ZNF726: variants seen among roughly 807,000 people sequenced by gnomAD.
ZNF726 encodes zinc finger protein 92 pseudogene 3.
A neutral mutation model predicts 11.6 loss-of-function variants in ZNF726; 15 were observed. The ratio of observed to expected loss-of-function variants is 1.29; its 90% CI spans 0.86 to 1.99. The LOEUF (loss-of-function observed/expected upper bound fraction) is 1.99. Ranked by LOEUF, ZNF726 falls within the 30% of genes most tolerant of loss-of-function variation. The pLI is 0.00. For synonymous variants in ZNF726, 295 were observed against 243.6 expected (o/e 1.21, Z -1.96); for missense variants, 890 against 725.6 (o/e 1.23, Z -2.60).
chr19:23,943,853 C>T (rs1274951470), intron 4 of ZNF726: 2 of 274,138 alleles, frequency 7.3e-6, no homozygotes, highest in Non-Finnish European at 1.4e-5. Flanking sequence ...TAAGGTACTG[C>T]ATGATATACC....
intron 3 of ZNF726, among the ~76,000 whole-genome samples, chr19:23,926,142 G>T (rs1255472920): frequency 6.6e-6 from 1 of 152,158 alleles, no homozygotes; most frequent in African/African-American, 2.4e-5. Flanking sequence ...CAGAAATGTT[G>T]AAGTGTAGTG....
intron 3 of ZNF726, chr19:23,943,463 CAA>C (rs763880568): frequency 1.8e-6 from 1 of 565,364 alleles, no homozygotes; most frequent in Non-Finnish European, 3.3e-6. Flanking sequence ...AGAATCCCAG[CAA>C]GTCATATTAC....
downstream of ZNF726, chr19:23,935,206 G>A (rs765204557): frequency 3.5e-5 from 15 of 434,780 alleles, no homozygotes; most frequent in African/African-American, 2.4e-4. Flanking sequence ...AATCACAGGG[G>A]CAGGTTTCCC....
intron 1 of ZNF726, among the ~76,000 whole-genome samples, chr19:23,918,784 T>C (rs1967767608): frequency 6.7e-6 from 1 of 150,202 alleles, no homozygotes; most frequent in South Asian, 2.1e-4. Flanking sequence ...AAAGCTCTCA[T>C]CTTTGTTTAC....
intron 3 of ZNF726, among the ~76,000 whole-genome samples, chr19:23,924,626 T>C (rs1967938640): frequency 6.6e-6 from 1 of 152,180 alleles, no homozygotes; most frequent in South Asian, 2.1e-4. Context: ...GGTGGATCCC[T>C]TCTGTAAAAC....
At chr19:23,922,214 C>A (rs1011235759) in intron 3 of ZNF726, among the ~76,000 whole-genome samples, 2 of 152,172 alleles carry the variant, frequency 1.3e-5, no homozygotes, top group African/African-American at 4.8e-5. Context: ...GAAGGGCAGA[C>A]CCAAGGGCAG....
chr19:23,918,679 T>A (rs571678172), intron 1 of ZNF726, among the ~76,000 whole-genome samples: 1 of 152,346 alleles, frequency 6.6e-6, no homozygotes, highest in East Asian at 1.9e-4. Context: ...TCATTAAGTA[T>A]CTTCATGCAG....
chr19:23,943,729 T>G, intron 4 of ZNF726: 1 of 448,886 alleles, frequency 2.2e-6, no homozygotes, highest in South Asian at 6.5e-5. Context: ...CCTCTAGCTC[T>G]GAAGTAGGAG....
intron 3 of ZNF726, among the ~76,000 whole-genome samples, chr19:23,925,027 T>C (rs577961666): frequency 5.0e-4 from 76 of 152,346 alleles, no homozygotes; most frequent in African/African-American, 1.6e-3. Context: ...TATGCTCTCT[T>C]TAGCCCTTGA....
At chr19:23,943,141 C>T (rs1461226548) in intron 3 of ZNF726, among the ~76,000 whole-genome samples, 4 of 152,176 alleles carry the variant, frequency 2.6e-5, no homozygotes, top group Non-Finnish European at 4.4e-5. Context: ...CTGCCTCAGC[C>T]TTCTGAGTAG....
At chr19:23,923,751 ATTTG>A (rs1357306851) in intron 3 of ZNF726, 1 of 155,400 alleles carries the variant, frequency 6.4e-6, no homozygotes. Context: ...TAGACAAATT[ATTTG>A]TTAATGTACA....
At chr19:23,924,543 GT>G (rs774244650) in intron 3 of ZNF726, among the ~76,000 whole-genome samples, 1 of 151,836 alleles carries the variant, frequency 6.6e-6, no homozygotes, top group African/African-American at 2.4e-5. Flanking sequence ...AAAAATAATT[GT>G]TTTAAAAAAA....
At chr19:23,938,908 G>C (rs953398031), downstream of ZNF726, among the ~76,000 whole-genome samples, 4 of 152,042 alleles carry the variant, frequency 2.6e-5, no homozygotes, top group Non-Finnish European at 4.4e-5. Flanking sequence ...TGCCTGGCCT[G>C]TGTGTAATAG....
intron 1 of ZNF726, chr19:23,919,118 T>G: frequency 2.8e-6 from 1 of 362,494 alleles, no homozygotes; most frequent in Non-Finnish European, 4.8e-6. Flanking sequence ...TACATGTTAG[T>G]ACATTTTTAC....
downstream of ZNF726, chr19:23,935,184 G>A (rs776525559): frequency 2.4e-6 from 1 of 416,772 alleles, no homozygotes; most frequent in South Asian, 1.7e-5. Flanking sequence ...GAGACCCAGT[G>A]GGAGGTAACT....
chr19:23,935,722 C>T (rs1968219391), downstream of ZNF726: 1 of 239,060 alleles, frequency 4.2e-6, no homozygotes, highest in Non-Finnish European at 8.3e-6. Context: ...AACAATGTGG[C>T]CAAGCTTCTA....
downstream of ZNF726, among the ~76,000 whole-genome samples, chr19:23,937,093 C>A (rs955348430): frequency 2.7e-5 from 4 of 147,230 alleles, no homozygotes; most frequent in Admixed American, 1.3e-4. Flanking sequence ...GGGGCTGACC[C>A]CCCCCACCTC....
At position 23,932,752 on chromosome 19, in the gene ZNF726, G is replaced by T; in HGVS notation, c.636G>T (p.Trp212Cys). Residue 212 changes from tryptophan (W) to cysteine (C), a missense_variant, in exon 4 of 4, where the codon TGG (tryptophan) becomes TGT (cysteine). Physicochemically the swap from Trp to Cys is radical, Grantham distance 215. Coordinates refer to ENST00000594466, the MANE Select transcript of ZNF726 (RefSeq NM_001244038.2). ...KCKECGKTFNWSSTLTNHKKT... is the reference protein window; with the variant it reads ...KCKECGKTFNCSSTLTNHKKT... Reference sequence around the variant, plus strand: ...AAGAATGTGGAAAAACCTTTAATTGGTCCTCAACCCTTACTAATCATAAGA... The same window carrying T: ...AAGAATGTGGAAAAACCTTTAATTGTTCCTCAACCCTTACTAATCATAAGA... 6.2e-7 allele frequency: 1 copy of T among 1,612,708 alleles called. No individual in the cohort carries two copies. Among genetic ancestry groups the T allele is most frequent in the Non-Finnish European group, 8.5e-7 (1 of 1,179,648 alleles).
chr19:23,929,530 C>A (rs898678017), intron 3 of ZNF726, among the ~76,000 whole-genome samples: 2 of 152,106 alleles, frequency 1.3e-5, no homozygotes, highest in African/African-American at 4.8e-5. Flanking sequence ...GAGACCAGCA[C>A]AGAAAAGACC....
Sources: allele counts gnomAD v4.1 joint callset (sites outside exome capture counted in the v4.1 genomes callset), GRCh38; gene constraint gnomAD v4.1.1; transcripts MANE v1.5; gene names NCBI Gene and HGNC (gene_info 2026-07-23, HGNC 2026-07-21).